Variants in THAP5 observed in about 807,000 individuals in gnomAD.
THAP5 encodes THAP domain-containing protein 5.
Under a neutral mutation model 34.0 loss-of-function variants are expected in THAP5, and 26 were observed. That is an observed-to-expected ratio of 0.77 (90% CI 0.56 to 1.06). The LOEUF is 1.06. THAP5 is among the 50% of genes least tolerant of loss of function. THAP5 has a pLI of 0.00. For synonymous variants in THAP5, 125 were observed against 153.0 expected (o/e 0.82, Z 1.35); for missense variants, 394 against 452.8 (o/e 0.87, Z 1.18).
rs776756092 is a variant in THAP5, at chr7:108,565,079, G to A, written c.300C>T (p.Ser100=). 3 of 1,506,240 alleles carry A rather than the reference G, an allele frequency of 2.0e-6. No homozygotes were observed. The East Asian group carries it at 7.4e-5, about 37-fold the overall frequency. The allele number at this position is 1,506,240 out of a possible 1,614,324, so 93.3% of individuals were successfully genotyped here. ...NQGKDPSKKK[S]QKKNLEDEKE... ...TCTCATCTTCCAAGTTTTTCTTCTG[G>A]GATTTTTTTTTAGAAGGGTCTTTTC... is the stretch of plus-strand genomic sequence containing the variant. Residue 100 remains serine (S), a synonymous_variant, in exon 3 of 3, where the codon TCC becomes TCT. Transcript: ENST00000415914.
intron 1 of THAP5, among the ~76,000 whole-genome samples, chr7:108,556,368 C>G (rs1233011605): frequency 6.6e-6 from 1 of 152,154 alleles, no homozygotes; most frequent in Non-Finnish European, 1.5e-5. Context: ...AGTCAAGAAC[C>G]TTCTGCCTAT....
At chr7:108,549,127 C>CACACAT in the THAP5 span, among the ~76,000 whole-genome samples, 190 of 125,854 alleles carry the variant, frequency 1.5e-3, no homozygotes, top group African/African-American at 5.0e-3. Flanking sequence ...CACACACACA[C>CACACAT]AAGTACTTTT....
At chr7:108,550,580 T>G (rs1309717966), downstream of THAP5, among the ~76,000 whole-genome samples, 1 of 152,218 alleles carries the variant, frequency 6.6e-6, no homozygotes, top group Non-Finnish European at 1.5e-5. Flanking sequence ...CTGTGTGGCT[T>G]AAACAACAGA....
chr7:108,565,184 TGAG>T, intron 2 of THAP5, 79 bp from the exon 3 acceptor site: 2 of 1,178,928 alleles, frequency 1.7e-6, no homozygotes, highest in Non-Finnish European at 2.3e-6. Flanking sequence ...ATTATAATAT[TGAG>T]TAGTACACTG....
chr7:108,551,762 C>A (rs1864355130), downstream of THAP5, among the ~76,000 whole-genome samples: 1 of 152,168 alleles, frequency 6.6e-6, no homozygotes, highest in South Asian at 2.1e-4. Context: ...AATATAGATG[C>A]TCAGGCTTTA....
At chr7:108,559,889 C>T (rs931156364), downstream of THAP5, among the ~76,000 whole-genome samples, 2 of 152,080 alleles carry the variant, frequency 1.3e-5, no homozygotes, top group Non-Finnish European at 2.9e-5. Context: ...CAGGTCCCTC[C>T]CTCAACACCT....
At chr7:108,569,389 G>C (rs1564012968) in intron 1 of THAP5, 101 bp downstream of exon 1, 1 of 1,538,358 alleles carries the variant, frequency 6.5e-7, no homozygotes, top group Non-Finnish European at 8.7e-7. Context: ...ACGGAGAGCT[G>C]AGGACTCACT....
downstream of THAP5, among the ~76,000 whole-genome samples, chr7:108,552,566 A>G (rs1483558559): frequency 6.6e-6 from 1 of 152,212 alleles, no homozygotes; most frequent in African/African-American, 2.4e-5. Context: ...TTGGGAGACC[A>G]AGGGGCATGG....
At chr7:108,569,227 G>A in intron 1 of THAP5, 3 of 1,365,756 alleles carry the variant, frequency 2.2e-6, no homozygotes, top group Admixed American at 3.0e-5. Flanking sequence ...GAAAACCACA[G>A]AAGCCCGCGC....
At chr7:108,560,802 G>A (rs189510191), downstream of THAP5, among the ~76,000 whole-genome samples, 233 of 151,576 alleles carry the variant, frequency 1.5e-3, no homozygotes, top group African/African-American at 5.4e-3. Context: ...GTGCAGTGGC[G>A]CAGTCATGGC....
the THAP5 span, among the ~76,000 whole-genome samples, chr7:108,544,222 C>T: frequency 5.9e-5 from 9 of 152,078 alleles, no homozygotes; most frequent in Admixed American, 3.9e-4. Flanking sequence ...TGTCAATAAT[C>T]TTCTAAATAA....
In THAP5 at chr7:108,562,773, T is replaced by C. The variant is rs1790381750; in HGVS notation, c.*1418A>G. On this transcript the variant is annotated 3_prime_UTR_variant, in exon 3 of 3. Coordinates refer to ENST00000415914, the MANE Select transcript of THAP5 (RefSeq NM_001130475.3). The stretch of plus-strand genomic sequence containing the variant: ...GTCATTACTACAAAATCTTTGCTTT[T>C]ACAGTTTTCTTAAAATCATGTGAAT... The C allele has an allele frequency of 6.6e-6, 1 of 152,220 alleles. No homozygotes were observed. The highest frequency in any genetic ancestry group is 2.4e-5 in the African/African-American group (1 of 41,460). The allele number at this position is 152,220 out of a possible 1,614,324, so 9.4% of individuals were successfully genotyped here. A position where few individuals can be genotyped will look rare whatever the true frequency, so the allele number is the denominator to read the frequency against.
At chr7:108,559,396 C>T (rs559720761), downstream of THAP5, among the ~76,000 whole-genome samples, 1 of 152,292 alleles carries the variant, frequency 6.6e-6, no homozygotes, top group South Asian at 2.1e-4. Flanking sequence ...TGAATACATT[C>T]ACTAGTGATG....
At chr7:108,556,168 G>A (rs1182684290) in intron 1 of THAP5, among the ~76,000 whole-genome samples, 1 of 152,148 alleles carries the variant, frequency 6.6e-6, no homozygotes, top group Non-Finnish European at 1.5e-5. Flanking sequence ...CACACATGGG[G>A]ATTACAATTT....
chr7:108,555,463 C>T (rs1437280979), intron 1 of THAP5, among the ~76,000 whole-genome samples: 2 of 151,644 alleles, frequency 1.3e-5, no homozygotes, highest in African/African-American at 2.4e-5. Flanking sequence ...CCATTGTGCC[C>T]GGCCCCAAAC....
At chr7:108,542,062 C>G in the THAP5 span, among the ~76,000 whole-genome samples, 5 of 152,080 alleles carry the variant, frequency 3.3e-5, no homozygotes, top group East Asian at 1.9e-4. Context: ...GAAAAAAAAC[C>G]CTTAAATTCA....
At chr7:108,547,662 A>G in the THAP5 span, among the ~76,000 whole-genome samples, 1 of 152,216 alleles carries the variant, frequency 6.6e-6, no homozygotes, top group African/African-American at 2.4e-5. Context: ...AATTCTGTGT[A>G]CAGTTTATCA....
At chr7:108,561,047 T>C (rs1215311126), downstream of THAP5, among the ~76,000 whole-genome samples, 1 of 152,210 alleles carries the variant, frequency 6.6e-6, no homozygotes, top group East Asian at 1.9e-4. Flanking sequence ...CCGCAACTTC[T>C]GTGTTTGGAT....
At chr7:108,569,222 C>G in intron 1 of THAP5, 1 of 1,358,670 alleles carries the variant, frequency 7.4e-7, no homozygotes, top group East Asian at 2.8e-5. Flanking sequence ...AGACTGAAAA[C>G]CACAGAAGCC....
Sources: allele counts gnomAD v4.1 joint callset (sites outside exome capture counted in the v4.1 genomes callset), GRCh38; gene constraint gnomAD v4.1.1; transcripts MANE v1.5; gene names NCBI Gene and HGNC (gene_info 2026-07-23, HGNC 2026-07-21).